The following SF3B1 variants were observed in gnomAD, a reference collection of about 807,000 sequenced individuals.
SF3B1 encodes splicing factor 3b subunit 1.
Under a neutral mutation model 153.8 loss-of-function variants are expected in SF3B1, and 12 were observed. The observed-to-expected ratio is 0.08, with a 90% confidence interval of 0.05 to 0.13. SF3B1 has a LOEUF of 0.13. Ranked by LOEUF, SF3B1 falls within the 10% of genes least tolerant of loss-of-function variation. The pLI is 1.00. For missense variants in SF3B1, 513 were observed against 1,606.1 expected (o/e 0.32, Z 11.63); for synonymous variants, 498 against 525.2 (o/e 0.95, Z 0.71).
In SF3B1 at chr2:197,401,100, C is replaced by T. The variant is rs2084933181; in HGVS notation, c.2497-164G>A. The stretch of plus-strand genomic sequence containing the variant: ...AAAGTTGAAGAGAAAAGTGACCAAA[C>T]ATCGAAAAATGAGTATAAGTTAACA... On this transcript the variant is annotated intron_variant, in intron 17 of 24. Coordinates refer to ENST00000335508, the MANE Select transcript of SF3B1 (RefSeq NM_012433.4). This position sits in a 1 kb window ranked among gnomAD's most constrained non-coding sequence, Gnocchi z 4.2. Among the ~76,000 whole-genome samples the T allele has an allele frequency of 6.6e-6, 1 of 152,126 alleles. No individual in the cohort carries two copies. Among genetic ancestry groups the T allele is most frequent in the South Asian group, 2.1e-4 (1 of 4,830 alleles).
At chr2:197,407,073 G>C (rs1259168018) in intron 9 of SF3B1, among the ~76,000 whole-genome samples, 2 of 152,118 alleles carry the variant, frequency 1.3e-5, no homozygotes, top group Non-Finnish European at 2.9e-5. Context: ...GGGCAACACA[G>C]TGAGACCCTG....
At chr2:197,433,978 T>G (rs1259846043) in intron 1 of SF3B1, among the ~76,000 whole-genome samples, 1 of 152,222 alleles carries the variant, frequency 6.6e-6, no homozygotes, top group African/African-American at 2.4e-5. Flanking sequence ...AGCATGCATC[T>G]GGCCTCATGA....
rs1237653971 is a variant in SF3B1, at chr2:197,401,700, T to C, written c.2370+42A>G. 6.3e-7 allele frequency: 1 copy of C among 1,574,942 alleles called. No homozygotes were observed. ...ACACTTTAAAATTCTGTTAGAACCA[T>C]GAAACATATCCAGTTTACATTAACA... is the stretch of plus-strand genomic sequence containing the variant. On this transcript the variant is annotated intron_variant, in intron 16 of 24. Transcript: ENST00000335508. The surrounding 1 kb of genome is among the most constrained non-coding windows in gnomAD (Gnocchi z 4.2).
At chr2:197,425,514 T>C (rs1285729876) in intron 1 of SF3B1, among the ~76,000 whole-genome samples, 1 of 151,934 alleles carries the variant, frequency 6.6e-6, no homozygotes, top group Non-Finnish European at 1.5e-5. Flanking sequence ...AAAAGCTCAA[T>C]TGCTAGCTGC....
At chr2:197,409,371 G>C (rs2085036399) in intron 7 of SF3B1, among the ~76,000 whole-genome samples, 2 of 151,804 alleles carry the variant, frequency 1.3e-5, no homozygotes, top group Admixed American at 1.3e-4. Context: ...TTGCATTCCA[G>C]TCTGGACAAC....
At chr2:197,434,783 G>C (rs1327109359) in intron 1 of SF3B1, among the ~76,000 whole-genome samples, 189 bp downstream of exon 1, 2 of 152,256 alleles carry the variant, frequency 1.3e-5, no homozygotes, top group Admixed American at 1.3e-4. Flanking sequence ...CCTGTCGGGG[G>C]TGTAAGAGGA....
Position 197,392,384 on chromosome 2 carries a change from G to A in SF3B1, c.3834C>T (p.Asp1278=), listed in dbSNP as rs770104540. Residue 1278 remains aspartate (D), a synonymous_variant, in exon 25 of 25, where the codon GAC becomes GAT. Coordinates refer to ENST00000335508, the MANE Select transcript of SF3B1 (RefSeq NM_012433.4). ...TTCTTGGGTAATGTGCTATGAGAGCGTCCTGGGAACCAATGTAGATGGAGT... is the reference window on the plus strand; with the variant it reads ...TTCTTGGGTAATGTGCTATGAGAGCATCCTGGGAACCAATGTAGATGGAGT... ...IYNSIYIGSQ[D]ALIAHYPRIY... The A allele has an allele frequency of 1.8e-5, 29 of 1,610,626 alleles. No individual in the cohort carries two copies. In the Admixed American group the frequency reaches 1.8e-4, roughly 10 times the overall value.
At chr2:197,427,470 G>A (rs180754175) in intron 1 of SF3B1, among the ~76,000 whole-genome samples, 8 of 152,168 alleles carry the variant, frequency 5.3e-5, no homozygotes, top group Non-Finnish European at 7.4e-5. Context: ...GCAATTCAGA[G>A]AACTAAAAAC....
Position 197,390,072 on chromosome 2 carries a change from C to T in SF3B1, c.*2231G>A, listed in dbSNP as rs1056544756. 6.6e-6 allele frequency: 1 copy of T among 152,184 alleles called. No individual in the cohort carries two copies. The highest frequency in any genetic ancestry group is 2.4e-5 in the African/African-American group (1 of 41,448). 9.4% of individuals were successfully genotyped at this position (152,184 alleles called of 1,614,324 possible). ...AGCGTCTTCCACATATCACAAAATGCTTTCCTTATTTAATAATAAGCACAT... is the reference window on the plus strand; with the variant it reads ...AGCGTCTTCCACATATCACAAAATGTTTTCCTTATTTAATAATAAGCACAT... On this transcript the variant is annotated 3_prime_UTR_variant, in exon 25 of 25. Transcript: ENST00000335508.
At chr2:197,393,600 G>A (rs1023771630) in intron 23 of SF3B1, among the ~76,000 whole-genome samples, 6 of 151,902 alleles carry the variant, frequency 3.9e-5, no homozygotes, top group Non-Finnish European at 8.8e-5. Context: ...TTACAGGTGT[G>A]TGCCACCACG....
At chr2:197,407,932 A>C in intron 9 of SF3B1, 66 bp downstream of exon 9, 1 of 1,474,574 alleles carries the variant, frequency 6.8e-7, no homozygotes, top group East Asian at 2.3e-5. Context: ...AGCTTAATCA[A>C]TTTTTTTCAC....
chr2:197,430,928 G>T (rs2085419531), intron 1 of SF3B1, among the ~76,000 whole-genome samples: 1 of 151,972 alleles, frequency 6.6e-6, no homozygotes. Context: ...CCAAAATGCT[G>T]GGATTACATG....
In SF3B1 at chr2:197,402,482, C is replaced by A; in HGVS notation, c.2077+74G>T. ...ATCACTTGAGCCCAAAGGTTTGAGT[C>A]CAGTCTGGGCAACATAGTAAGACCC... is the stretch of plus-strand genomic sequence containing the variant. On this transcript the variant is annotated intron_variant, in intron 14 of 24. Transcript: ENST00000335508. This position sits in a 1 kb window ranked among gnomAD's most constrained non-coding sequence, Gnocchi z 4.6. 1 of 1,353,042 alleles carries A rather than the reference C, an allele frequency of 7.4e-7. No individual in the cohort carries two copies. The highest frequency in any genetic ancestry group is 1.5e-5 in the African/African-American group (1 of 68,130). The allele number at this position is 1,353,042 out of a possible 1,614,324, so 83.8% of individuals were successfully genotyped here. A position where few individuals can be genotyped will look rare whatever the true frequency, so the allele number is the denominator to read the frequency against.
chr2:197,429,676 C>T (rs920613441), intron 1 of SF3B1, among the ~76,000 whole-genome samples: 6 of 151,530 alleles, frequency 4.0e-5, no homozygotes, highest in South Asian at 2.1e-4. Context: ...CCCAGCTACT[C>T]GGGAGGCTGA....
At chr2:197,427,671 G>A (rs1001904964) in intron 1 of SF3B1, among the ~76,000 whole-genome samples, 2 of 152,142 alleles carry the variant, frequency 1.3e-5, no homozygotes, top group African/African-American at 4.8e-5. Context: ...CTGAGCAGTG[G>A]GTTAGTGTTC....
At chr2:197,416,176 G>A (rs989640271) in intron 6 of SF3B1, among the ~76,000 whole-genome samples, 2 of 151,790 alleles carry the variant, frequency 1.3e-5, no homozygotes, top group African/African-American at 4.8e-5. Context: ...CAAGAGAAAG[G>A]AGTAGCATTG....
chr2:197,405,058 T>C lies in SF3B1; in HGVS notation c.1539+18A>G, dbSNP rs760566393. The C allele has an allele frequency of 6.7e-7, 1 of 1,495,594 alleles. No homozygotes were observed. Among genetic ancestry groups the C allele is most frequent in the Non-Finnish European group, 9.1e-7 (1 of 1,094,820 alleles). 92.6% of individuals were successfully genotyped at this position (1,495,594 alleles called of 1,614,324 possible). On this transcript the variant is annotated intron_variant, in intron 11 of 24. Coordinates refer to ENST00000335508, the MANE Select transcript of SF3B1 (RefSeq NM_012433.4). ...TAAATAAGCAACAAACATGACAATT[T>C]AACAAACTGGGACTTACCTTTCTCA...
intron 1 of SF3B1, among the ~76,000 whole-genome samples, chr2:197,430,246 G>A (rs1272649546): frequency 6.6e-6 from 1 of 152,172 alleles, no homozygotes; most frequent in Admixed American, 6.5e-5. Context: ...AATTTTAGGT[G>A]TAATCATGGT....
intron 23 of SF3B1, among the ~76,000 whole-genome samples, chr2:197,395,248 C>G (rs1020996875): frequency 6.6e-6 from 1 of 152,124 alleles, no homozygotes; most frequent in African/African-American, 2.4e-5. Context: ...TTTTTTTTAG[C>G]CCTGGGCAGC....
Sources: allele counts gnomAD v4.1 joint callset (sites outside exome capture counted in the v4.1 genomes callset), GRCh38; gene constraint gnomAD v4.1.1; non-coding constraint Gnocchi (gnomAD v3.1); transcripts MANE v1.5; gene names NCBI Gene and HGNC (gene_info 2026-07-23, HGNC 2026-07-21).